Variants in MGMT observed in about 807,000 individuals in gnomAD.
MGMT encodes the protein O-6-methylguanine-DNA methyltransferase, also known as methylated-DNA--protein-cysteine methyltransferase.
A neutral mutation model predicts 15.9 loss-of-function variants in MGMT; 14 were observed. The ratio of observed to expected loss-of-function variants is 0.88; its 90% CI spans 0.58 to 1.37. The LOEUF is 1.37. MGMT is among the 40% of genes most tolerant of loss of function. The pLI is 0.00. For synonymous variants in MGMT, 130 were observed against 118.2 expected (o/e 1.10, Z -0.65); for missense variants, 282 against 268.1 (o/e 1.05, Z -0.36).
chr10:129,737,987 G>C (rs997228249), intron 3 of MGMT, among the ~76,000 whole-genome samples: 1 of 152,234 alleles, frequency 6.6e-6, no homozygotes, highest in South Asian at 2.1e-4. Context: ...TAAGTCTGCA[G>C]AGGTTACTGC....
chr10:129,758,500 C>A (rs1301675034), intron 3 of MGMT, among the ~76,000 whole-genome samples: 2 of 152,102 alleles, frequency 1.3e-5, no homozygotes, highest in Non-Finnish European at 2.9e-5. Context: ...AGTTCTGAAA[C>A]CTGGAGGCAG....
At position 129,735,313 on chromosome 10, in the gene MGMT, A is replaced by G. The variant is rs542565931; in HGVS notation, c.275-23889A>G. ...GGAGAGTGTATGTGTCAAGGAATTT[A>G]TCCATTTCTTCTAGATTTTCTAGTT... On this transcript the variant is annotated intron_variant, in intron 3 of 4. Transcript: ENST00000651593. Among the ~76,000 whole-genome samples, 3 of 152,220 alleles carry G rather than the reference A, an allele frequency of 2.0e-5. No homozygotes were observed. The East Asian group carries it at 5.8e-4, about 29-fold the overall frequency.
intron 2 of MGMT, among the ~76,000 whole-genome samples, chr10:129,690,346 G>A (rs1847955377): frequency 6.6e-6 from 1 of 152,106 alleles, no homozygotes; most frequent in African/African-American, 2.4e-5. Context: ...AGTAACACCC[G>A]TTTGCCCCCA....
intron 2 of MGMT, among the ~76,000 whole-genome samples, chr10:129,632,316 G>A (rs1847219142): frequency 6.6e-6 from 1 of 152,296 alleles, no homozygotes; most frequent in Non-Finnish European, 1.5e-5. Flanking sequence ...TGGGCGCCTT[G>A]TACTTGATAG....
intron 1 of MGMT, among the ~76,000 whole-genome samples, chr10:129,514,393 A>T (rs1326861776): frequency 6.6e-6 from 1 of 152,204 alleles, no homozygotes; most frequent in East Asian, 1.9e-4. Flanking sequence ...TGAAACATAG[A>T]TTCCATGTAT....
At chr10:129,541,116 T>C (rs1332547900) in intron 2 of MGMT, among the ~76,000 whole-genome samples, 1 of 152,254 alleles carries the variant, frequency 6.6e-6, no homozygotes, top group Non-Finnish European at 1.5e-5. Context: ...TCTGTGCTTG[T>C]GTACAAAGTG....
chr10:129,590,525 A>T (rs1439683348), intron 2 of MGMT, among the ~76,000 whole-genome samples: 1 of 152,234 alleles, frequency 6.6e-6, no homozygotes, highest in East Asian at 1.9e-4. Context: ...TTTTGCAATG[A>T]ATAGTTTCTA....
intron 2 of MGMT, among the ~76,000 whole-genome samples, chr10:129,620,342 T>A (rs1436724546): frequency 2.6e-5 from 4 of 152,232 alleles, no homozygotes; most frequent in Non-Finnish European, 1.5e-5. Flanking sequence ...TAAATGTACG[T>A]TGGGTCAGGT....
At chr10:129,623,279 C>T (rs1377596778) in intron 2 of MGMT, among the ~76,000 whole-genome samples, 1 of 152,140 alleles carries the variant, frequency 6.6e-6, no homozygotes, top group Non-Finnish European at 1.5e-5. Context: ...CTGTTCAGAC[C>T]TGGTGCTCCC....
chr10:129,646,401 G>A (rs1436090913), intron 2 of MGMT, among the ~76,000 whole-genome samples: 9 of 152,016 alleles, frequency 5.9e-5, no homozygotes, highest in African/African-American at 1.9e-4. Flanking sequence ...AGCCTACATG[G>A]CACCTAAGAC....
At position 129,660,798 on chromosome 10, in the gene MGMT, ACG is replaced by A. The variant is rs1491075334; in HGVS notation, c.126-47095_126-47094del. On this transcript the variant is annotated intron_variant, in intron 2 of 4. Transcript: ENST00000651593. Reference sequence around the variant, plus strand: ...CCAACACACACACACACACACACACACGCACACACATGCACAGTTTGCATAGC... The same window carrying A: ...CCAACACACACACACACACACACACACACACACATGCACAGTTTGCATAGC... 5.1e-3 allele frequency among the ~76,000 whole-genome samples: 782 copies of A among 151,954 alleles called. 5 individuals carry two copies. Among genetic ancestry groups the A allele is most frequent in the African/African-American group, 0.018 (743 of 41,410 alleles).
intron 1 of MGMT, among the ~76,000 whole-genome samples, chr10:129,474,826 C>A (rs904181901): frequency 5.9e-5 from 9 of 152,208 alleles, no homozygotes; most frequent in African/African-American, 1.9e-4. Context: ...GAGTGTGCCC[C>A]TGGGCAGCAG....
intron 1 of MGMT, among the ~76,000 whole-genome samples, chr10:129,527,977 C>T (rs890568085): frequency 3.3e-5 from 5 of 152,224 alleles, no homozygotes; most frequent in African/African-American, 1.2e-4. Context: ...ACAACACTAT[C>T]CCTTCTCTCT....
intron 2 of MGMT, among the ~76,000 whole-genome samples, chr10:129,645,182 T>C (rs189177924): frequency 1.3e-4 from 20 of 148,752 alleles, no homozygotes; most frequent in African/African-American, 4.7e-4. Context: ...TGCAGTAGCA[T>C]GATCTTGGCT....
intron 2 of MGMT, among the ~76,000 whole-genome samples, chr10:129,550,290 C>T (rs7911018): frequency 0.67 from 100,144 of 148,710 alleles, 34,069 homozygotes; most frequent in East Asian, 0.95. Flanking sequence ...CACCCAGCAC[C>T]GGCATGTTTC....
chr10:129,522,181 C>G (rs4751094), intron 1 of MGMT, among the ~76,000 whole-genome samples: 22,988 of 152,144 alleles, frequency 0.15, 2,638 homozygotes, highest in African/African-American at 0.33. Flanking sequence ...ATAGCTCCTC[C>G]CAAGTTTTAC....
intron 2 of MGMT, among the ~76,000 whole-genome samples, chr10:129,629,926 C>A (rs1293226298): frequency 2.0e-5 from 3 of 152,218 alleles, no homozygotes; most frequent in Non-Finnish European, 4.4e-5. Flanking sequence ...AACAAATATG[C>A]AAAGTGATTT....
chr10:129,666,274 A>G (rs1847658008), intron 2 of MGMT, among the ~76,000 whole-genome samples: 2 of 152,188 alleles, frequency 1.3e-5, no homozygotes, highest in South Asian at 2.1e-4. Context: ...GCATTTGTCA[A>G]CTTTCACGTT....
intron 2 of MGMT, among the ~76,000 whole-genome samples, chr10:129,703,970 C>T (rs899210965): frequency 1.3e-5 from 2 of 152,122 alleles, no homozygotes; most frequent in Admixed American, 1.3e-4. Flanking sequence ...CAGCAGCCAG[C>T]TCTGCATCAC....
Sources: allele counts gnomAD v4.1 joint callset (sites outside exome capture counted in the v4.1 genomes callset), GRCh38; gene constraint gnomAD v4.1.1; transcripts MANE v1.5; gene names NCBI Gene and HGNC (gene_info 2026-07-23, HGNC 2026-07-21).